The following CBY2 variants were observed in gnomAD, a reference collection of about 807,000 sequenced individuals.
The protein encoded by CBY2 is chibby family member 2, also known as protein chibby homolog 2.
CBY2 carries 23 observed loss-of-function variants against 25.3 expected under a neutral mutation model. The ratio of observed to expected loss-of-function variants is 0.91; its 90% CI spans 0.65 to 1.29. The LOEUF (loss-of-function observed/expected upper bound fraction) is 1.29, where lower values mean the gene tolerates loss of function less well. Among genes scored for constraint, CBY2 ranks in the 50% most tolerant of loss-of-function variants. CBY2 has a pLI of 0.00. For missense variants in CBY2, 642 were observed against 590.7 expected (o/e 1.09, Z -0.90); for synonymous variants, 279 against 260.2 (o/e 1.07, Z -0.70).
rs377272982 is a variant in CBY2, at chr13:45,714,066, G to C, written c.1041G>C (p.Pro347=). 2.6e-6 allele frequency: 4 copies of C among 1,518,534 alleles called. No individual in the cohort carries two copies. The African/African-American group carries it at 5.5e-5, about 21-fold the overall frequency. The allele number at this position is 1,518,534 out of a possible 1,614,324, so 94.1% of individuals were successfully genotyped here. The change falls in exon 3 of 3, where the codon CCG becomes CCC. Residue 347 remains proline (P), a synonymous_variant. Transcript: ENST00000310521. ...GGGAGGAGGAGGCCAAGGTGGGCCC[G>C]GGCCTGCCCGACGGCTGCCAGCCCC... ...PSGEEEAKVG[P]GLPDGCQPLQ...
intron 2 of CBY2, among the ~76,000 whole-genome samples, chr13:45,710,054 C>T (rs892519194): frequency 6.6e-6 from 1 of 152,164 alleles, no homozygotes; most frequent in Non-Finnish European, 1.5e-5. Flanking sequence ...GTAGAATGCT[C>T]AGCTCACGGC....
chr13:45,713,464 T>C lies in CBY2; in HGVS notation c.439T>C (p.Phe147Leu). The C allele has an allele frequency of 6.2e-7, 1 of 1,614,184 alleles. No homozygotes were observed. Among genetic ancestry groups the C allele is most frequent in the Non-Finnish European group, 8.5e-7 (1 of 1,180,038 alleles). ...GAACTGCCGCCTGCAGTCTCCCTAC[T>C]TCTCCCCATCCGCCTCCTTCCACCA... is the stretch of plus-strand genomic sequence containing the variant. ...NENCRLQSPY[F>L]SPSASFHHKL... The change falls in exon 3 of 3, where the codon TTC (phenylalanine) becomes CTC (leucine). Residue 147 changes from phenylalanine (F) to leucine (L), a missense_variant. Coordinates refer to ENST00000310521, the MANE Select transcript of CBY2 (RefSeq NM_152719.3). The surrounding 1 kb of genome is among the most constrained non-coding windows in gnomAD (Gnocchi z 5.0).
chr13:45,713,065 T>TG lies in CBY2; in HGVS notation c.157-115dup. 4.9e-6 allele frequency: 4 copies of TG among 815,964 alleles called. No individual in the cohort carries two copies. Among genetic ancestry groups the TG allele is most frequent in the Non-Finnish European group, 7.5e-6 (4 of 531,650 alleles). 50.5% of individuals were successfully genotyped at this position (815,964 alleles called of 1,614,324 possible). A position where few individuals can be genotyped will look rare whatever the true frequency, so the allele number is the denominator to read the frequency against. ...CCCCAAGAAGCAAAAGCGCCCACTG[T>TG]GGCCAGGCCAGACAATCAGACGGGG... On this transcript the variant is annotated intron_variant, in intron 2 of 2. Coordinates refer to ENST00000310521, the MANE Select transcript of CBY2 (RefSeq NM_152719.3). This position sits in a 1 kb window ranked among gnomAD's most constrained non-coding sequence, Gnocchi z 5.0.
chr13:45,705,058 G>C (rs1339014177), intron 2 of CBY2, among the ~76,000 whole-genome samples: 1 of 152,186 alleles, frequency 6.6e-6, no homozygotes, highest in Non-Finnish European at 1.5e-5. Context: ...GTCCTGCTGT[G>C]CGTTTGGGCT....
Position 45,714,041 on chromosome 13 carries a change from GGGA to G in CBY2, c.1025_1027del (p.Glu342del). 1 of 1,496,520 alleles carries G rather than the reference GGGA, an allele frequency of 6.7e-7. No homozygotes were observed. Among genetic ancestry groups the G allele is most frequent in the Admixed American group, 2.4e-5 (1 of 41,540 alleles). 92.7% of individuals were successfully genotyped at this position (1,496,520 alleles called of 1,614,324 possible). ...GTCAGCAACATGTCCGGGCCCTCCG[GGGA>G]GGAGGAGGCCAAGGTGGGCCCGGGC... On this transcript the variant is annotated inframe_deletion, in exon 3 of 3. Transcript: ENST00000310521.
rs143335236 is a variant in CBY2, at chr13:45,713,421, C to T, written c.396C>T (p.Asp132=). ...QLSDEMFVFQ[D]GRWVNENCRL... ...GCGACGAGATGTTCGTGTTCCAGGACGGGCGCTGGGTAAATGAGAACTGCC... is the reference window on the plus strand; with the variant it reads ...GCGACGAGATGTTCGTGTTCCAGGATGGGCGCTGGGTAAATGAGAACTGCC... The change falls in exon 3 of 3, where the codon GAC becomes GAT. Residue 132 remains aspartate (D), a synonymous_variant. Transcript: ENST00000310521. This position sits in a 1 kb window ranked among gnomAD's most constrained non-coding sequence, Gnocchi z 5.0. 2 of 1,614,216 alleles carry T rather than the reference C, an allele frequency of 1.2e-6. No individual in the cohort carries two copies. The highest frequency in any genetic ancestry group is 1.7e-6 in the Non-Finnish European group (2 of 1,180,038).
In CBY2 at chr13:45,714,128, C is replaced by T; in HGVS notation, c.1103C>T (p.Ala368Val). 1 of 1,582,884 alleles carries T rather than the reference C, an allele frequency of 6.3e-7. No homozygotes were observed. The highest frequency in any genetic ancestry group is 8.6e-7 in the Non-Finnish European group (1 of 1,163,628). Reference sequence around the variant, plus strand: ...AGAGAGATGAGGCAGGCGCTGCAGGCCCTGCTCAAGGAGAACCGGCTCCTG... The same window carrying T: ...AGAGAGATGAGGCAGGCGCTGCAGGTCCTGCTCAAGGAGAACCGGCTCCTG... ...LLREMRQALQ[A>V]LLKENRLLQE... The change falls in exon 3 of 3, where the codon GCC becomes GTC. Residue 368 changes from alanine to valine, a missense_variant. Transcript: ENST00000310521.
rs150887147 is a variant in CBY2, at chr13:45,714,388, C to G, written c.*16C>G. The G allele has an allele frequency of 2.6e-5, 40 of 1,554,402 alleles. 1 individual carries two copies. The Middle Eastern group carries it at 5.6e-4, about 22-fold the overall frequency. On this transcript the variant is annotated 3_prime_UTR_variant, in exon 3 of 3. Transcript: ENST00000310521. ...CAGGGTCTGAGGCCTCGGCCTTGCA[C>G]CGGGACGCCGAGTTTGGGACACCGA...
rs778797438 is a variant in CBY2 at position 45,713,185 on chromosome 13, G to A, written c.160G>A (p.Gly54Ser). ...GCTTTCCCATTCTCTCCCGCAGAGG[G>A]GCACAGCCGAACCCTTCCCGAGGCT... ...IPISVVLPQR[G>S]TAEPFPRLHN... Residue 54 changes from glycine to serine, a missense_variant, in exon 3 of 3, where the codon GGC (glycine) becomes AGC (serine). By Grantham distance (56) the Gly-to-Ser change is moderately conservative. Transcript: ENST00000310521. The surrounding 1 kb of genome is among the most constrained non-coding windows in gnomAD (Gnocchi z 5.0). The A allele has an allele frequency of 9.3e-6, 15 of 1,608,684 alleles. No homozygotes were observed. The African/African-American group carries it at 1.5e-4, about 16-fold the overall frequency.
At position 45,714,513 on chromosome 13, in the gene CBY2, T is replaced by C; in HGVS notation, c.*141T>C. On this transcript the variant is annotated 3_prime_UTR_variant, in exon 3 of 3. Coordinates refer to ENST00000310521, the MANE Select transcript of CBY2 (RefSeq NM_152719.3). Reference sequence around the variant, plus strand: ...AGCAGCGTTAGCAGCCTTCCTAAACTCAGAGTTTTAATAAAGGTGTGAGGA... The same window carrying C: ...AGCAGCGTTAGCAGCCTTCCTAAACCCAGAGTTTTAATAAAGGTGTGAGGA... 2 of 701,038 alleles carry C rather than the reference T, an allele frequency of 2.9e-6. No homozygotes were observed. The highest frequency in any genetic ancestry group is 4.5e-6 in the Non-Finnish European group (2 of 440,882). The allele number at this position is 701,038 out of a possible 1,614,324, so 43.4% of individuals were successfully genotyped here.
chr13:45,707,839 T>G (rs1469780067), intron 2 of CBY2, among the ~76,000 whole-genome samples: 1 of 152,242 alleles, frequency 6.6e-6, no homozygotes, highest in Non-Finnish European at 1.5e-5. Context: ...TGCAGAATCA[T>G]GCCAGTTCTT....
chr13:45,702,603 C>A (rs1950216092), intron 1 of CBY2, 138 bp downstream of exon 1: 1 of 896,700 alleles, frequency 1.1e-6, no homozygotes, highest in Non-Finnish European at 1.8e-6. Context: ...GATTGATAAA[C>A]CATCATGCCA....
At chr13:45,702,884 T>A in intron 2 of CBY2, 29 bp downstream of exon 2, 4 of 1,545,812 alleles carry the variant, frequency 2.6e-6, no homozygotes, top group Non-Finnish European at 3.6e-6. Flanking sequence ...GGATGTAACC[T>A]ATCAGTGTTA....
chr13:45,714,422 C>A lies in CBY2; in HGVS notation c.*50C>A. 1.4e-6 allele frequency: 2 copies of A among 1,441,924 alleles called. No individual in the cohort carries two copies. Among genetic ancestry groups the A allele is most frequent in the Non-Finnish European group, 1.9e-6 (2 of 1,071,766 alleles). 89.3% of individuals were successfully genotyped at this position (1,441,924 alleles called of 1,614,324 possible). A position where few individuals can be genotyped will look rare whatever the true frequency, so the allele number is the denominator to read the frequency against. On this transcript the variant is annotated 3_prime_UTR_variant, in exon 3 of 3. Transcript: ENST00000310521. ...CGAGTTTGGGACACCGAACACTGGGCAAAAGAGAATCCCCTGCCTTCCTTT... is the reference window on the plus strand; with the variant it reads ...CGAGTTTGGGACACCGAACACTGGGAAAAAGAGAATCCCCTGCCTTCCTTT...
At position 45,713,915 on chromosome 13, in the gene CBY2, T is replaced by A; in HGVS notation, c.890T>A (p.Leu297Gln). 6.5e-7 allele frequency: 1 copy of A among 1,534,948 alleles called. No homozygotes were observed. ...PHEEPCSPGL[L>Q]QDQGSGLSSR... ...GAGGAGCCCTGCAGCCCCGGGCTGCTGCAGGACCAGGGCTCCGGCCTCTCC... is the reference window on the plus strand; with the variant it reads ...GAGGAGCCCTGCAGCCCCGGGCTGCAGCAGGACCAGGGCTCCGGCCTCTCC... Residue 297 changes from leucine to glutamine, a missense_variant, in exon 3 of 3, where the codon CTG (leucine) becomes CAG (glutamine). By Grantham distance (113) the Leu-to-Gln change is moderately radical (BLOSUM62 -2). Coordinates refer to ENST00000310521, the MANE Select transcript of CBY2 (RefSeq NM_152719.3). The surrounding 1 kb of genome is among the most constrained non-coding windows in gnomAD (Gnocchi z 5.0).
chr13:45,713,035 G>A lies in CBY2; in HGVS notation c.157-147G>A, dbSNP rs1240230063. 6 of 624,350 alleles carry A rather than the reference G, an allele frequency of 9.6e-6. No individual in the cohort carries two copies. Among genetic ancestry groups the A allele is most frequent in the Admixed American group, 2.9e-5 (1 of 33,946 alleles). The allele number at this position is 624,350 out of a possible 1,614,324, so 38.7% of individuals were successfully genotyped here. On this transcript the variant is annotated intron_variant, in intron 2 of 2. Coordinates refer to ENST00000310521, the MANE Select transcript of CBY2 (RefSeq NM_152719.3). The surrounding 1 kb of genome is among the most constrained non-coding windows in gnomAD (Gnocchi z 5.0). Reference sequence around the variant, plus strand: ...ACAAGGATAGGCCACATTTCCTTGTGAGGACCCCAAGAAGCAAAAGCGCCC... The same window carrying A: ...ACAAGGATAGGCCACATTTCCTTGTAAGGACCCCAAGAAGCAAAAGCGCCC...
rs565643796 is a variant in CBY2, at chr13:45,704,732, G to C, written c.156+1877G>C. On this transcript the variant is annotated intron_variant, in intron 2 of 2. Transcript: ENST00000310521. The surrounding 1 kb of genome is among the most constrained non-coding windows in gnomAD (Gnocchi z 4.1). The stretch of plus-strand genomic sequence containing the variant: ...AGAGATTTTACAGGTACAGGAACCG[G>C]CAACCCCAGGAACCCCACTAGTAAT... 6.6e-6 allele frequency among the ~76,000 whole-genome samples: 1 copy of C among 152,284 alleles called. No individual in the cohort carries two copies. Among genetic ancestry groups the C allele is most frequent in the African/African-American group, 2.4e-5 (1 of 41,556 alleles).
chr13:45,703,205 T>C, intron 2 of CBY2: 12 of 1,252,410 alleles, frequency 9.6e-6, no homozygotes, highest in Non-Finnish European at 1.1e-5. Context: ...TGGGGGAGAA[T>C]TAGAACTGGG....
At position 45,713,841 on chromosome 13, in the gene CBY2, G is replaced by A; in HGVS notation, c.816G>A (p.Glu272=). The stretch of plus-strand genomic sequence containing the variant: ...AACAGGCCTACTGGGCGCAGGCAGA[G>A]GACACGGCCGCCCCTGCCGAGGAAA... The part of the protein sequence containing the change: ...EQKQAYWAQA[E]DTAAPAEESK... Residue 272 remains glutamate (E), a synonymous_variant, in exon 3 of 3, where the codon GAG becomes GAA. Coordinates refer to ENST00000310521, the MANE Select transcript of CBY2 (RefSeq NM_152719.3). The surrounding 1 kb of genome is among the most constrained non-coding windows in gnomAD (Gnocchi z 5.0). 6.6e-7 allele frequency: 1 copy of A among 1,524,036 alleles called. No individual in the cohort carries two copies. Among genetic ancestry groups the A allele is most frequent in the Non-Finnish European group, 8.8e-7 (1 of 1,137,444 alleles). The allele number at this position is 1,524,036 out of a possible 1,614,324, so 94.4% of individuals were successfully genotyped here.
Sources: allele counts gnomAD v4.1 joint callset (sites outside exome capture counted in the v4.1 genomes callset), GRCh38; gene constraint gnomAD v4.1.1; non-coding constraint Gnocchi (gnomAD v3.1); transcripts MANE v1.5; gene names NCBI Gene and HGNC (gene_info 2026-07-23, HGNC 2026-07-21).